Variants in MCFD2 observed in about 807,000 individuals in gnomAD.
MCFD2 encodes multiple coagulation factor deficiency protein 2.
Under a neutral mutation model 12.8 loss-of-function variants are expected in MCFD2, and 11 were observed. The observed-to-expected ratio is 0.86, with a 90% CI of 0.54 to 1.42. The LOEUF is 1.42. MCFD2 is among the 40% of genes most tolerant of loss of function. The pLI is 0.00. For missense variants in MCFD2, 191 were observed against 178.6 expected (o/e 1.07, Z -0.40); for synonymous variants, 70 against 68.1 (o/e 1.03, Z -0.14).
intron 1 of MCFD2, among the ~76,000 whole-genome samples, chr2:46,910,589 C>G (rs1251721625): frequency 6.6e-6 from 1 of 152,188 alleles, no homozygotes; most frequent in Non-Finnish European, 1.5e-5. Context: ...TATAGTCCCT[C>G]TTACCCATCC....
In MCFD2 at chr2:46,940,558, T is replaced by C. The variant is rs1670242435; in HGVS notation, c.-8+1014A>G. On this transcript the variant is annotated intron_variant, in intron 1 of 2. Coordinates refer to the MCFD2 transcript ENST00000409147. The surrounding 1 kb of genome is among the most constrained non-coding windows in gnomAD (Gnocchi z 4.7). ...CTTTGATCACAGTCTTAGACCAGCATGAAGAAATAAATAAATACCAAGGTG... is the reference window on the plus strand; with the variant it reads ...CTTTGATCACAGTCTTAGACCAGCACGAAGAAATAAATAAATACCAAGGTG... Among the ~76,000 whole-genome samples, 1 of 152,174 alleles carries C rather than the reference T, an allele frequency of 6.6e-6. No individual in the cohort carries two copies. The highest frequency in any genetic ancestry group is 1.5e-5 in the Non-Finnish European group (1 of 68,042).
intron 1 of MCFD2, among the ~76,000 whole-genome samples, chr2:46,933,241 G>A (rs1216614690): frequency 6.6e-6 from 1 of 152,142 alleles, no homozygotes; most frequent in African/African-American, 2.4e-5. Flanking sequence ...GAAGGGACTG[G>A]GATGGTGGGA....
chr2:46,927,045 CTA>C (rs1360071194), intron 1 of MCFD2, among the ~76,000 whole-genome samples: 3 of 151,382 alleles, frequency 2.0e-5, no homozygotes, highest in African/African-American at 7.3e-5. Context: ...CCAGAGGAAA[CTA>C]TTGTATCTAG....
Position 46,907,537 on chromosome 2 carries a change from A to G in MCFD2, c.309+273T>C. 2 of 429,092 alleles carry G rather than the reference A, an allele frequency of 4.7e-6. No individual in the cohort carries two copies. Among genetic ancestry groups the G allele is most frequent in the Non-Finnish European group, 8.7e-6 (2 of 228,912 alleles). 26.6% of individuals were successfully genotyped at this position (429,092 alleles called of 1,614,324 possible). ...GTACGTAGAACTACGGGCATGCACT[A>G]CCAGGCCTGGCTAATTTTTTAATTT... On this transcript the variant is annotated intron_variant, in intron 3 of 3. Transcript: ENST00000319466. The surrounding 1 kb of genome is among the most constrained non-coding windows in gnomAD (Gnocchi z 4.1).
rs760602454 is a variant in MCFD2 at position 46,909,037 on chromosome 2, TG to T, written c.134del (p.Thr45LysfsTer12). On this transcript the variant is annotated frameshift_variant, in exon 2 of 4. Transcript: ENST00000319466. LOFTEE classifies it high-confidence loss of function. ...TGAATACGTACTCTTGGTCGTGCAC[TG>T]TGTTCTTATCCAGGCCCATGCTGCC... ...QPGSMGLDKN[T>X]VHDQEHIMEH... 6.2e-7 allele frequency: 1 copy of T among 1,614,186 alleles called. No individual in the cohort carries two copies. Among genetic ancestry groups the T allele is most frequent in the Non-Finnish European group, 8.5e-7 (1 of 1,180,024 alleles).
Position 46,941,526 on chromosome 2 carries a change from C to T in MCFD2, c.-8+46G>A. The T allele has an allele frequency of 2.6e-6, 4 of 1,550,838 alleles. No individual in the cohort carries two copies. The highest frequency in any genetic ancestry group is 3.5e-6 in the Non-Finnish European group (4 of 1,147,396). On this transcript the variant is annotated intron_variant, in intron 1 of 2. Coordinates refer to the MCFD2 transcript ENST00000409147. The surrounding 1 kb of genome is among the most constrained non-coding windows in gnomAD (Gnocchi z 4.2). ...CACTTCTTGGCCGCACCTTCCATGACAGCGCCCGCGAGAAGATGGCTGCGA... is the reference window on the plus strand; with the variant it reads ...CACTTCTTGGCCGCACCTTCCATGATAGCGCCCGCGAGAAGATGGCTGCGA...
Position 46,925,430 on chromosome 2 carries a change from C to T in MCFD2, c.-8+16142G>A, listed in dbSNP as rs575052797. On this transcript the variant is annotated intron_variant, in intron 1 of 2. Coordinates refer to the MCFD2 transcript ENST00000409147. ...AAAATTAGCCGGGCATGGTGGTGGGCGCTTGTAATCCCAGCTACTTGGGAG... is the reference window on the plus strand; with the variant it reads ...AAAATTAGCCGGGCATGGTGGTGGGTGCTTGTAATCCCAGCTACTTGGGAG... Among the ~76,000 whole-genome samples, 23 of 152,174 alleles carry T rather than the reference C, an allele frequency of 1.5e-4. No individual in the cohort carries two copies. The South Asian group carries it at 2.9e-3, about 19-fold the overall frequency.
Position 46,907,722 on chromosome 2 carries a change from G to C in MCFD2, c.309+88C>G, listed in dbSNP as rs906859245. ...GAGAAGCAGCACTCTTGGCACATAAGGACAACACAAGTCAACAAGACTGGG... is the reference window on the plus strand; with the variant it reads ...GAGAAGCAGCACTCTTGGCACATAACGACAACACAAGTCAACAAGACTGGG... On this transcript the variant is annotated intron_variant, in intron 3 of 3. Coordinates refer to ENST00000319466, the MANE Select transcript of MCFD2 (RefSeq NM_139279.6). This position sits in a 1 kb window ranked among gnomAD's most constrained non-coding sequence, Gnocchi z 4.1. 1 of 1,405,038 alleles carries C rather than the reference G, an allele frequency of 7.1e-7. No homozygotes were observed. The highest frequency in any genetic ancestry group is 1.4e-5 in the African/African-American group (1 of 71,110). 87.0% of individuals were successfully genotyped at this position (1,405,038 alleles called of 1,614,324 possible).
intron 1 of MCFD2, among the ~76,000 whole-genome samples, chr2:46,932,075 C>T (rs1255289710): frequency 6.6e-6 from 1 of 151,860 alleles, no homozygotes; most frequent in Non-Finnish European, 1.5e-5. Flanking sequence ...TTTAAAAAAC[C>T]TTTAACAAAC....
chr2:46,905,841 A>C, intron 3 of MCFD2: 1 of 594,024 alleles, frequency 1.7e-6, no homozygotes, highest in Non-Finnish European at 3.2e-6. Context: ...AATTTATCAT[A>C]ATCCAGTTTA....
intron 1 of MCFD2, among the ~76,000 whole-genome samples, chr2:46,927,899 T>G (rs1375559955): frequency 1.5e-5 from 2 of 133,604 alleles, no homozygotes; most frequent in Non-Finnish European, 3.2e-5. Context: ...TTTTTTTTTT[T>G]TTTTTTTTTT....
In MCFD2 at chr2:46,940,996, C is replaced by T. The variant is rs1670284060; in HGVS notation, c.-8+576G>A. Among the ~76,000 whole-genome samples, 1 of 151,824 alleles carries T rather than the reference C, an allele frequency of 6.6e-6. No homozygotes were observed. The highest frequency in any genetic ancestry group is 1.5e-5 in the Non-Finnish European group (1 of 67,992). ...GGGCGGGAAGCGAGGCGCCCCCGGGCGCCGGGGCTCCGCGCGGGATTAAAG... is the reference window on the plus strand; with the variant it reads ...GGGCGGGAAGCGAGGCGCCCCCGGGTGCCGGGGCTCCGCGCGGGATTAAAG... On this transcript the variant is annotated intron_variant, in intron 1 of 2. Transcript: ENST00000409147. This position sits in a 1 kb window ranked among gnomAD's most constrained non-coding sequence, Gnocchi z 4.7.
At position 46,905,456 on chromosome 2, in the gene MCFD2, A is replaced by G. The variant is rs1262849477; in HGVS notation, c.*7T>C. The G allele has an allele frequency of 1.2e-6, 2 of 1,612,128 alleles. No individual in the cohort carries two copies. The highest frequency in any genetic ancestry group is 1.3e-5 in the African/African-American group (1 of 74,854). ...TTGTATATAACCAGGAGATGGCCAA[A>G]TAACATCTACTGCAGTGATTTTGCA... is the stretch of plus-strand genomic sequence containing the variant. On this transcript the variant is annotated 3_prime_UTR_variant, in exon 4 of 4. Transcript: ENST00000319466.
At chr2:46,919,336 C>T (rs901660168), upstream of MCFD2, among the ~76,000 whole-genome samples, 3 of 152,146 alleles carry the variant, frequency 2.0e-5, no homozygotes, top group Non-Finnish European at 4.4e-5. Context: ...GAGTTCGAGA[C>T]CAGCCTGGCC....
At chr2:46,933,283 C>G (rs1325398138) in intron 1 of MCFD2, among the ~76,000 whole-genome samples, 1 of 152,198 alleles carries the variant, frequency 6.6e-6, no homozygotes, top group African/African-American at 2.4e-5. Context: ...ATATTGGTAT[C>G]TCAATCATGA....
At position 46,908,001 on chromosome 2, in the gene MCFD2, G is replaced by A; in HGVS notation, c.150-32C>T. On this transcript the variant is annotated intron_variant, in intron 2 of 3. Coordinates refer to ENST00000319466, the MANE Select transcript of MCFD2 (RefSeq NM_139279.6). The surrounding 1 kb of genome is among the most constrained non-coding windows in gnomAD (Gnocchi z 4.5). Reference sequence around the variant, plus strand: ...ATCAACAGTCAGGTTCAGGCCAATTGACAGATACTGGGATCATGCTGAAAT... The same window carrying A: ...ATCAACAGTCAGGTTCAGGCCAATTAACAGATACTGGGATCATGCTGAAAT... 1 of 1,612,098 alleles carries A rather than the reference G, an allele frequency of 6.2e-7. No individual in the cohort carries two copies.
chr2:46,913,289 T>C (rs181368874), intron 1 of MCFD2, among the ~76,000 whole-genome samples: 1 of 152,286 alleles, frequency 6.6e-6, no homozygotes, highest in Admixed American at 6.5e-5. Flanking sequence ...GGCTTATGCC[T>C]GTAATCTCAA....
Position 46,937,343 on chromosome 2 carries a change from C to T in MCFD2, c.-8+4229G>A, listed in dbSNP as rs1670030110. On this transcript the variant is annotated intron_variant, in intron 1 of 2. Coordinates refer to the MCFD2 transcript ENST00000409147. This position sits in a 1 kb window ranked among gnomAD's most constrained non-coding sequence, Gnocchi z 4.0. Reference sequence around the variant, plus strand: ...CCCTCAGATCCACTCCCCTTTCCTCCTGGCTGGCTAGATACCCCAAAGCTC... The same window carrying T: ...CCCTCAGATCCACTCCCCTTTCCTCTTGGCTGGCTAGATACCCCAAAGCTC... Among the ~76,000 whole-genome samples the T allele has an allele frequency of 6.6e-6, 1 of 152,078 alleles. No individual in the cohort carries two copies. The highest frequency in any genetic ancestry group is 2.4e-5 in the African/African-American group (1 of 41,402).
At chr2:46,923,703 A>T (rs1349479672) in intron 1 of MCFD2, among the ~76,000 whole-genome samples, 1 of 152,036 alleles carries the variant, frequency 6.6e-6, no homozygotes, top group African/African-American at 2.4e-5. Context: ...ACCAGCCTGC[A>T]CAACATAGGA....
Sources: allele counts gnomAD v4.1 joint callset (sites outside exome capture counted in the v4.1 genomes callset), GRCh38; gene constraint gnomAD v4.1.1; non-coding constraint Gnocchi (gnomAD v3.1); transcripts MANE v1.5; gene names NCBI Gene and HGNC (gene_info 2026-07-23, HGNC 2026-07-21).